SEMA5A: variants seen among roughly 807,000 people sequenced by gnomAD.
The protein encoded by SEMA5A is semaphorin-5A.
In SEMA5A, 55 loss-of-function variants were observed where a neutral mutation model predicts 135.5. The observed-to-expected ratio is 0.41, with a 90% CI of 0.33 to 0.51. The LOEUF (loss-of-function observed/expected upper bound fraction) is 0.51, where lower values mean the gene tolerates loss of function less well. Ranked by LOEUF, SEMA5A falls within the 20% of genes least tolerant of loss-of-function variation. The pLI is 0.37. For synonymous variants in SEMA5A, 580 were observed against 546.5 expected, an observed-to-expected ratio of 1.06 and a Z score of -0.85; for missense variants, 1,290 against 1,419.9, an observed-to-expected ratio of 0.91 and a Z score of 1.47.
At chr5:9,240,638 G>A (rs906049014) in intron 5 of SEMA5A, among the ~76,000 whole-genome samples, 3 of 151,516 alleles carry the variant, frequency 2.0e-5, no homozygotes, top group South Asian at 2.1e-4. Context: ...TCACAGTGAC[G>A]CATTTTTCTG....
intron 8 of SEMA5A, among the ~76,000 whole-genome samples, chr5:9,212,784 T>C (rs927980349): frequency 1.3e-5 from 2 of 152,236 alleles, no homozygotes; most frequent in African/African-American, 4.8e-5. Flanking sequence ...CTGAGTAAGA[T>C]GCTGAGCACA....
intron 5 of SEMA5A, among the ~76,000 whole-genome samples, chr5:9,301,273 G>T (rs1751598339): frequency 6.6e-6 from 1 of 152,206 alleles, no homozygotes; most frequent in Non-Finnish European, 1.5e-5. Context: ...TTATCTCAGA[G>T]TTGATAAATT....
chr5:9,436,527 T>C (rs751085475), intron 2 of SEMA5A, among the ~76,000 whole-genome samples: 16 of 152,166 alleles, frequency 1.1e-4, no homozygotes, highest in African/African-American at 1.7e-4. Flanking sequence ...TCCTTCCTCA[T>C]AGACGAAGCC....
rs1340289025 is a variant in SEMA5A at position 9,384,651 on chromosome 5, G to GAT, written c.-77-4630_-77-4629dup. On this transcript the variant is annotated intron_variant, in intron 2 of 22. Transcript: ENST00000382496. ...AGATAGATAGATAGATAGATAGATA[G>GAT]ATAGATAGATATAGATAGATAGATA... is the stretch of plus-strand genomic sequence containing the variant. 2.1e-3 allele frequency among the ~76,000 whole-genome samples: 246 copies of GAT among 118,768 alleles called. 6 individuals are homozygous for GAT. The highest frequency in any genetic ancestry group is 3.0e-3 in the Non-Finnish European group (159 of 53,338). 77.9% of individuals were successfully genotyped at this position (118,768 alleles called of 152,430 possible).
At chr5:9,443,928 C>T (rs1758331867) in intron 1 of SEMA5A, among the ~76,000 whole-genome samples, 1 of 152,220 alleles carries the variant, frequency 6.6e-6, no homozygotes, top group South Asian at 2.1e-4. Context: ...AGCAGCCAGC[C>T]CCAACCACTC....
At chr5:9,381,156 T>C (rs1233280192) in intron 2 of SEMA5A, among the ~76,000 whole-genome samples, 3 of 152,170 alleles carry the variant, frequency 2.0e-5, no homozygotes, top group Non-Finnish European at 4.4e-5. Context: ...TTAGAAGATC[T>C]TATTAATATT....
intron 5 of SEMA5A, among the ~76,000 whole-genome samples, chr5:9,305,694 C>CTGTGTGTGTGTGTG (rs888490559): frequency 9.6e-6 from 1 of 104,652 alleles, no homozygotes; most frequent in Non-Finnish European, 2.0e-5. Context: ...AGTATATATA[C>CTGTGTGTGTGTGTG]TGTGTGTGTG....
At chr5:9,335,207 G>A (rs1429428174) in intron 4 of SEMA5A, among the ~76,000 whole-genome samples, 2 of 152,054 alleles carry the variant, frequency 1.3e-5, no homozygotes, top group African/African-American at 2.4e-5. Flanking sequence ...GGAAACCATT[G>A]GAGATATTGG....
intron 1 of SEMA5A, among the ~76,000 whole-genome samples, chr5:9,488,013 T>C (rs893713980): frequency 3.9e-5 from 6 of 152,216 alleles, no homozygotes; most frequent in Admixed American, 3.9e-4. Context: ...TATCCTTTTT[T>C]ATCCAGCTGT....
intron 1 of SEMA5A, among the ~76,000 whole-genome samples, chr5:9,534,543 C>A (rs1398896696): frequency 6.6e-6 from 1 of 152,118 alleles, no homozygotes; most frequent in African/African-American, 2.4e-5. Context: ...CTCTGAGGGG[C>A]AAGCCAGCCA....
intron 3 of SEMA5A, among the ~76,000 whole-genome samples, chr5:9,361,327 A>G (rs1466678151): frequency 1.3e-5 from 2 of 152,002 alleles, no homozygotes; most frequent in Non-Finnish European, 2.9e-5. Flanking sequence ...GCAAACAACA[A>G]CAACAACAAA....
chr5:9,254,294 A>C (rs1163099108), intron 5 of SEMA5A, among the ~76,000 whole-genome samples: 1 of 152,198 alleles, frequency 6.6e-6, no homozygotes, highest in African/African-American at 2.4e-5. Context: ...TGAGAAGTAA[A>C]GGTATATACT....
chr5:9,160,406 C>T (rs986866778), intron 11 of SEMA5A, among the ~76,000 whole-genome samples: 1 of 152,098 alleles, frequency 6.6e-6, no homozygotes, highest in African/African-American at 2.4e-5. Flanking sequence ...AAGAGAGTAA[C>T]ATGCAAAGAA....
chr5:9,412,591 ATT>A lies in SEMA5A; in HGVS notation c.-78+25163_-78+25164del, dbSNP rs201599831. Reference sequence around the variant, plus strand: ...GGGCCAGAACGGATTCAGATTTTGCATTTTTTTTTTTTTTTTTTGGATTTTGG... The same window carrying A: ...GGGCCAGAACGGATTCAGATTTTGCATTTTTTTTTTTTTTTTGGATTTTGG... On this transcript the variant is annotated intron_variant, in intron 2 of 22. Coordinates refer to ENST00000382496, the MANE Select transcript of SEMA5A (RefSeq NM_003966.3). Among the ~76,000 whole-genome samples, 104 of 110,352 alleles carry A rather than the reference ATT, an allele frequency of 9.4e-4. 1 individual carries two copies. The highest frequency in any genetic ancestry group is 6.9e-3 in the East Asian group (28 of 4,032). 72.4% of individuals were successfully genotyped at this position (110,352 alleles called of 152,430 possible). A position where few individuals can be genotyped will look rare whatever the true frequency, so the allele number is the denominator to read the frequency against.
chr5:9,314,134 G>C (rs1266738830), intron 5 of SEMA5A, among the ~76,000 whole-genome samples: 1 of 152,142 alleles, frequency 6.6e-6, no homozygotes, highest in Non-Finnish European at 1.5e-5. Context: ...TTTGGAGAGA[G>C]AAAAGGAGAA....
intron 5 of SEMA5A, among the ~76,000 whole-genome samples, chr5:9,248,877 T>C (rs1748621984): frequency 6.6e-6 from 1 of 152,196 alleles, no homozygotes; most frequent in Admixed American, 6.5e-5. Flanking sequence ...AGAATTAATT[T>C]GGACTCCTAG....
Position 9,224,714 on chromosome 5 carries a change from A to T in SEMA5A, c.606T>A (p.Pro202=), listed in dbSNP as rs146551776. ...AGTTGTACTGCGCCGTGCGGAGAGG[A>T]GGTAAAATGCCTAGGCTTCGGTAAA... The part of the protein sequence containing the change: ...PAIYRSLGIL[P]PLRTAQYNSK... The change falls in exon 8 of 23, where the codon CCT becomes CCA. Residue 202 remains proline, a synonymous_variant. Coordinates refer to ENST00000382496, the MANE Select transcript of SEMA5A (RefSeq NM_003966.3). The T allele has an allele frequency of 5.6e-4, 903 of 1,614,128 alleles. No individual in the cohort carries two copies. The highest frequency in any genetic ancestry group is 6.9e-4 in the Non-Finnish European group (813 of 1,180,022).
chr5:9,341,868 T>G (rs957426976), intron 3 of SEMA5A, among the ~76,000 whole-genome samples: 5 of 151,910 alleles, frequency 3.3e-5, no homozygotes, highest in African/African-American at 1.2e-4. Context: ...CATTGATTCT[T>G]AGTTGCCTTC....
Position 9,299,148 on chromosome 5 carries a change from G to A in SEMA5A, c.270+19224C>T, listed in dbSNP as rs547869310. Reference sequence around the variant, plus strand: ...AAGGGGGCATCTTTACCTAATGTGCGCGCAAATCTCAACAGTCTTAGAGCT... The same window carrying A: ...AAGGGGGCATCTTTACCTAATGTGCACGCAAATCTCAACAGTCTTAGAGCT... On this transcript the variant is annotated intron_variant, in intron 5 of 22. Coordinates refer to ENST00000382496, the MANE Select transcript of SEMA5A (RefSeq NM_003966.3). Among the ~76,000 whole-genome samples, 256 of 152,184 alleles carry A rather than the reference G, an allele frequency of 1.7e-3. 1 individual carries two copies. The highest frequency in any genetic ancestry group is 5.6e-3 in the African/African-American group (232 of 41,524).
Sources: allele counts gnomAD v4.1 joint callset (sites outside exome capture counted in the v4.1 genomes callset), GRCh38; gene constraint gnomAD v4.1.1; transcripts MANE v1.5; gene names NCBI Gene and HGNC (gene_info 2026-07-23, HGNC 2026-07-21).